The following PPEF2 variants were observed in gnomAD, a reference collection of about 807,000 sequenced individuals.
PPEF2 encodes the protein serine/threonine-protein phosphatase with EF-hands 2.
PPEF2 carries 84 observed loss-of-function variants against 84.7 expected under a neutral mutation model. The ratio of observed to expected loss-of-function variants is 0.99; its 90% CI spans 0.83 to 1.19. The LOEUF (loss-of-function observed/expected upper bound fraction) is 1.19, where lower values mean the gene tolerates loss of function less well. Ranked by LOEUF, PPEF2 falls within the 50% of genes most tolerant of loss-of-function variation. The pLI is 0.00. For missense variants in PPEF2, 924 were observed against 937.5 expected, an observed-to-expected ratio of 0.99 and a Z score of 0.19; for synonymous variants, 346 against 345.2, an observed-to-expected ratio of 1.00 and a Z score of -0.03.
At chr4:75,899,918 G>T (rs1451653882) in intron 1 of PPEF2, among the ~76,000 whole-genome samples, 1 of 152,188 alleles carries the variant, frequency 6.6e-6, no homozygotes, top group African/African-American at 2.4e-5. Flanking sequence ...ATTTAAGAGT[G>T]TTTGATGTGG....
chr4:75,883,776 C>T lies in PPEF2; in HGVS notation c.747-574G>A, dbSNP rs182296316. ...GAGCTTGCAGTGAGCCGAGATCGCA[C>T]CACTGCACTCCAGCCTGGGTGACCA... On this transcript the variant is annotated intron_variant, in intron 8 of 16. Transcript: ENST00000286719. 1.4e-3 allele frequency among the ~76,000 whole-genome samples: 189 copies of T among 135,042 alleles called. 1 individual carries two copies. The highest frequency in any genetic ancestry group is 4.7e-3 in the African/African-American group (168 of 35,378). The allele number at this position is 135,042 out of a possible 152,430, so 88.6% of individuals were successfully genotyped here.
rs34334071 is a variant in PPEF2, at chr4:75,887,620, C to CAA, written c.532+592_532+593dup. 5.5e-3 allele frequency among the ~76,000 whole-genome samples: 684 copies of CAA among 123,612 alleles called. 4 individuals are homozygous for CAA. The highest frequency in any genetic ancestry group is 0.02 in the African/African-American group (649 of 32,730). 81.1% of individuals were successfully genotyped at this position (123,612 alleles called of 152,430 possible). On this transcript the variant is annotated intron_variant, in intron 6 of 16. Transcript: ENST00000286719. ...TGGGCGACAGAGCGGGACTGTGTCT[C>CAA]AAAAAAAAAAAAAAAAAAAACTTTA...
chr4:75,886,366 G>A (rs1724724677), intron 7 of PPEF2, among the ~76,000 whole-genome samples: 1 of 152,150 alleles, frequency 6.6e-6, no homozygotes, highest in Admixed American at 6.5e-5. Context: ...CCTCCTCCTG[G>A]GAAACCGGGT....
intron 1 of PPEF2, among the ~76,000 whole-genome samples, chr4:75,899,228 A>G (rs1389079983): frequency 6.6e-6 from 1 of 152,198 alleles, no homozygotes; most frequent in Non-Finnish European, 1.5e-5. Context: ...CACTGTACAT[A>G]TATACTACAT....
At chr4:75,871,413 TTTAGTA>T (rs1225366720) in intron 13 of PPEF2, among the ~76,000 whole-genome samples, 6 of 152,160 alleles carry the variant, frequency 3.9e-5, no homozygotes, top group African/African-American at 1.4e-4. Context: ...GACTTAGTGG[TTTAGTA>T]AGCAGACTTT....
intron 2 of PPEF2, among the ~76,000 whole-genome samples, chr4:75,892,385 A>G (rs1724910473): frequency 6.6e-6 from 1 of 152,134 alleles, no homozygotes; most frequent in Non-Finnish European, 1.5e-5. Flanking sequence ...TATTGTGACA[A>G]TAGACTGGAT....
intron 7 of PPEF2, among the ~76,000 whole-genome samples, chr4:75,886,397 C>G (rs1430479837): frequency 1.3e-5 from 2 of 152,136 alleles, no homozygotes; most frequent in Admixed American, 1.3e-4. Flanking sequence ...AGGCGGCCGC[C>G]CCTCACCCGT....
At chr4:75,893,982 T>C (rs969982492) in intron 2 of PPEF2, among the ~76,000 whole-genome samples, 1 of 152,228 alleles carries the variant, frequency 6.6e-6, no homozygotes, top group African/African-American at 2.4e-5. Flanking sequence ...TCCCATCATG[T>C]ATTTTTAATA....
At chr4:75,888,458 G>C (rs1391205809) in intron 5 of PPEF2, 130 bp from the exon 6 acceptor site, 2 of 630,846 alleles carry the variant, frequency 3.2e-6, no homozygotes, top group Non-Finnish European at 5.7e-6. Flanking sequence ...AACTGCTCCT[G>C]GGACTATGCA....
Position 75,888,293 on chromosome 4 carries a change from A to G in PPEF2, c.453T>C (p.Tyr151=). Residue 151 remains tyrosine (Y), a synonymous_variant, in exon 6 of 17, where the codon TAT becomes TAC. Coordinates refer to ENST00000286719, the MANE Select transcript of PPEF2 (RefSeq NM_006239.3). ...GCTGTACCAGATGTTTCTTGGTTTC[A>G]TACAAAAGGTTCAAGACGTAGCGAG... ...LHARYVLNLL[Y]ETKKHLVQLP... is the part of the protein sequence containing the mutation. 1.2e-6 allele frequency: 2 copies of G among 1,614,076 alleles called. No homozygotes were observed. Among genetic ancestry groups the G allele is most frequent in the Non-Finnish European group, 1.7e-6 (2 of 1,179,966 alleles).
rs569837703 is a variant in PPEF2 at position 75,860,387 on chromosome 4, G to A, written c.*280C>T. On this transcript the variant is annotated 3_prime_UTR_variant, in exon 17 of 17. Coordinates refer to ENST00000286719, the MANE Select transcript of PPEF2 (RefSeq NM_006239.3). ...AAACAATGAGAGAGTTACATTGTCA[G>A]TGGTTCTTAACTGAAGTGGACTTTA... 1.6e-4 allele frequency: 69 copies of A among 428,886 alleles called. 1 individual carries two copies. The South Asian group carries it at 2.4e-3, about 15-fold the overall frequency. 26.6% of individuals were successfully genotyped at this position (428,886 alleles called of 1,614,324 possible).
intron 8 of PPEF2, among the ~76,000 whole-genome samples, chr4:75,883,889 G>A (rs4288029): frequency 0.48 from 65,041 of 136,608 alleles, 18,472 homozygotes; most frequent in East Asian, 0.98. Context: ...CAGCACTTCG[G>A]GAGGCTGGGA....
chr4:75,891,580 C>T (rs1203503165), intron 4 of PPEF2, 68 bp downstream of exon 4: 19 of 1,501,170 alleles, frequency 1.3e-5, no homozygotes, highest in Non-Finnish European at 1.6e-5. Flanking sequence ...CCCTGTGCAT[C>T]CCCCACCTCA....
At chr4:75,889,427 G>A (rs957950648) in intron 5 of PPEF2, among the ~76,000 whole-genome samples, 14 of 152,094 alleles carry the variant, frequency 9.2e-5, no homozygotes, top group African/African-American at 2.4e-4. Context: ...TACCTGGAAC[G>A]CTCTTTCTCC....
chr4:75,864,611 A>G, intron 15 of PPEF2, 84 bp from the exon 16 acceptor site: 2 of 1,083,994 alleles, frequency 1.8e-6, no homozygotes, highest in Non-Finnish European at 2.8e-6. Flanking sequence ...AACCCTGACA[A>G]TCACACATTC....
At chr4:75,885,797 T>A (rs1368579617) in intron 7 of PPEF2, among the ~76,000 whole-genome samples, 1 of 151,956 alleles carries the variant, frequency 6.6e-6, no homozygotes, top group African/African-American at 2.4e-5. Context: ...GATCATGAGG[T>A]CAGGAGTTCG....
At chr4:75,895,255 C>A (rs1352105586) in intron 2 of PPEF2, among the ~76,000 whole-genome samples, 1 of 150,282 alleles carries the variant, frequency 6.7e-6, no homozygotes, top group African/African-American at 2.5e-5. Context: ...TGGTGAAGCC[C>A]CGTCTCTACT....
chr4:75,879,499 T>A (rs1265030112), intron 10 of PPEF2, among the ~76,000 whole-genome samples: 1 of 152,188 alleles, frequency 6.6e-6, no homozygotes, highest in African/African-American at 2.4e-5. Context: ...TTCAATACTA[T>A]CTCTGCAATA....
rs1055235357 is a variant in PPEF2 at position 75,898,776 on chromosome 4, T to C, written c.-58-2393A>G. On this transcript the variant is annotated intron_variant, in intron 1 of 16. Coordinates refer to ENST00000286719, the MANE Select transcript of PPEF2 (RefSeq NM_006239.3). ...ATATTTATGGGATACAATGTGATAT[T>C]CTGATACATGTATACATTGTGTGAT... Among the ~76,000 whole-genome samples the C allele has an allele frequency of 5.3e-5, 8 of 152,246 alleles. No individual in the cohort carries two copies. The East Asian group carries it at 1.5e-3, about 29-fold the overall frequency.
Sources: gnomAD v4.1 joint callset for allele counts (sites outside exome capture counted in the v4.1 genomes callset) on GRCh38, gnomAD v4.1.1 for gene constraint, MANE v1.5 for transcripts, NCBI Gene and HGNC (gene_info 2026-07-23, HGNC 2026-07-21) for gene names.